RNF180: variants seen among roughly 807,000 people sequenced by gnomAD.
RNF180 encodes the protein E3 ubiquitin-protein ligase RNF180.
Under a neutral mutation model 59.2 loss-of-function variants are expected in RNF180, and 38 were observed. The ratio of observed to expected loss-of-function variants is 0.64; its 90% confidence interval spans 0.50 to 0.84. RNF180 has a LOEUF of 0.84. Among genes scored for constraint, RNF180 ranks in the 40% least tolerant of loss-of-function variants. The pLI, the probability that RNF180 is intolerant of heterozygous loss-of-function variation, is 0.00. For missense variants in RNF180, 705 were observed against 700.9 expected, an observed-to-expected ratio of 1.01 and a Z score of -0.07; for synonymous variants, 262 against 240.3, an observed-to-expected ratio of 1.09 and a Z score of -0.84.
chr5:64,193,103 A>T (rs1023432361), intron 1 of RNF180, among the ~76,000 whole-genome samples: 8 of 151,814 alleles, frequency 5.3e-5, no homozygotes, highest in African/African-American at 1.7e-4. Flanking sequence ...AGATGCAGGG[A>T]ATAGAATTGT....
chr5:64,285,252 C>T (rs553762228), intron 5 of RNF180, among the ~76,000 whole-genome samples: 1 of 152,156 alleles, frequency 6.6e-6, no homozygotes, highest in African/African-American at 2.4e-5. Context: ...GGGTGCTGGC[C>T]ACAGTGCTTC....
intron 7 of RNF180, among the ~76,000 whole-genome samples, chr5:64,345,652 A>G (rs1184018275): frequency 1.3e-5 from 2 of 152,190 alleles, no homozygotes; most frequent in African/African-American, 4.8e-5. Flanking sequence ...AGGCTGGGCC[A>G]CTTCCAATCA....
At chr5:64,285,521 G>C (rs375268484) in intron 5 of RNF180, among the ~76,000 whole-genome samples, 5 of 152,058 alleles carry the variant, frequency 3.3e-5, no homozygotes, top group East Asian at 1.9e-4. Context: ...GTAGACCACA[G>C]GTGGACAGGT....
intron 3 of RNF180, 98 bp from the exon 4 acceptor site, chr5:64,213,460 T>C (rs976443109): frequency 6.7e-6 from 7 of 1,045,992 alleles, no homozygotes; most frequent in Non-Finnish European, 7.0e-6. Flanking sequence ...TTCTGTGGCA[T>C]AGAAAACTTT....
chr5:64,247,623 T>G (rs1743269982), intron 5 of RNF180, among the ~76,000 whole-genome samples: 1 of 152,148 alleles, frequency 6.6e-6, no homozygotes, highest in South Asian at 2.1e-4. Flanking sequence ...CACAAACAAA[T>G]GGAAGAACAT....
At chr5:64,188,159 T>C (rs1391410623) in intron 1 of RNF180, among the ~76,000 whole-genome samples, 5 of 152,206 alleles carry the variant, frequency 3.3e-5, no homozygotes, top group African/African-American at 1.2e-4. Context: ...CTGCTCATGT[T>C]AACAGCCACG....
At chr5:64,232,892 G>A (rs941189458) in intron 5 of RNF180, among the ~76,000 whole-genome samples, 2 of 152,090 alleles carry the variant, frequency 1.3e-5, no homozygotes, top group Non-Finnish European at 2.9e-5. Context: ...TTTTGTCTGG[G>A]GTCACCAAAC....
At chr5:64,195,369 C>T (rs1016119547) in intron 1 of RNF180, among the ~76,000 whole-genome samples, 2 of 152,130 alleles carry the variant, frequency 1.3e-5, no homozygotes, top group Admixed American at 6.5e-5. Context: ...TTAAAATCAT[C>T]GTAGTAAGCA....
In RNF180 at chr5:64,189,118, A is replaced by G. The variant is rs1442558606; in HGVS notation, c.1-11690A>G. Among the ~76,000 whole-genome samples, 46 of 152,004 alleles carry G rather than the reference A, an allele frequency of 3.0e-4. 1 individual carries two copies. The highest frequency in any genetic ancestry group is 3.0e-3 in the Admixed American group (46 of 15,254). On this transcript the variant is annotated intron_variant, in intron 1 of 7. Transcript: ENST00000389100. ...CTTACCAGAAAGAAACCCTGCCAAT[A>G]CCTTGATCTTAGACTTTCAGCCTCC...
intron 2 of RNF180, among the ~76,000 whole-genome samples, chr5:64,207,030 G>A (rs1174687257): frequency 6.6e-6 from 1 of 151,862 alleles, no homozygotes; most frequent in Non-Finnish European, 1.5e-5. Flanking sequence ...AAGAGAAATG[G>A]TATGTCCTTA....
intron 5 of RNF180, among the ~76,000 whole-genome samples, chr5:64,295,538 C>T (rs1742841349): frequency 6.6e-6 from 1 of 152,160 alleles, no homozygotes; most frequent in Non-Finnish European, 1.5e-5. Context: ...AAAGATTGTA[C>T]TTGATACTAA....
At position 64,291,416 on chromosome 5, in the gene RNF180, C is replaced by CTT. The variant is rs1207692101; in HGVS notation, c.1228-33745_1228-33744dup. Among the ~76,000 whole-genome samples the CTT allele has an allele frequency of 3.3e-3, 235 of 71,792 alleles. 18 individuals are homozygous for CTT. Among genetic ancestry groups the CTT allele is most frequent in the African/African-American group, 9.0e-3 (142 of 15,776 alleles). The allele number at this position is 71,792 out of a possible 152,430, so 47.1% of individuals were successfully genotyped here. A position where few individuals can be genotyped will look rare whatever the true frequency, so the allele number is the denominator to read the frequency against. ...TGGATGGCATTCTGAAGTATGTTTT[C>CTT]TTTTTTTTTTTTTTTTTTTTTTTTT... On this transcript the variant is annotated intron_variant, in intron 5 of 7. Coordinates refer to ENST00000389100, the MANE Select transcript of RNF180 (RefSeq NM_001113561.2).
intron 7 of RNF180, 38 bp from the exon 8 acceptor site, chr5:64,369,577 G>T (rs1195848293): frequency 7.6e-7 from 1 of 1,310,540 alleles, no homozygotes; most frequent in African/African-American, 1.5e-5. Context: ...GCACTAGCTT[G>T]AATTTAATGG....
At chr5:64,222,385 C>T (rs1741397895) in intron 5 of RNF180, among the ~76,000 whole-genome samples, 1 of 152,000 alleles carries the variant, frequency 6.6e-6, no homozygotes, top group Admixed American at 6.6e-5. Context: ...GTGCTGCACC[C>T]ATTAACTCAT....
intron 7 of RNF180, among the ~76,000 whole-genome samples, chr5:64,367,292 A>C (rs1230694019): frequency 6.6e-6 from 1 of 151,660 alleles, no homozygotes; most frequent in Non-Finnish European, 1.5e-5. Flanking sequence ...TAGAACAAAC[A>C]TACAAGAGAA....
intron 5 of RNF180, among the ~76,000 whole-genome samples, chr5:64,316,160 T>G (rs570890575): frequency 6.6e-6 from 1 of 152,332 alleles, no homozygotes; most frequent in East Asian, 1.9e-4. Context: ...ACTTATAGCC[T>G]CAGCCTCCAG....
intron 5 of RNF180, among the ~76,000 whole-genome samples, chr5:64,245,951 A>G (rs554203214): frequency 1.1e-4 from 16 of 151,964 alleles, no homozygotes; most frequent in African/African-American, 3.6e-4. Context: ...TTAGAACTCA[A>G]GAAACTCACT....
chr5:64,276,917 CCTT>C (rs1741750496), intron 5 of RNF180, among the ~76,000 whole-genome samples: 1 of 152,042 alleles, frequency 6.6e-6, no homozygotes, highest in Non-Finnish European at 1.5e-5. Context: ...TAATAACCCT[CCTT>C]CTGCCATTTA....
At chr5:64,189,568 A>C (rs1015120303) in intron 1 of RNF180, among the ~76,000 whole-genome samples, 1 of 152,216 alleles carries the variant, frequency 6.6e-6, no homozygotes, top group Admixed American at 6.5e-5. Flanking sequence ...AATATTTAGC[A>C]GAGGAGATTT....
Sources: gnomAD v4.1 joint callset for allele counts (sites outside exome capture counted in the v4.1 genomes callset) on GRCh38, gnomAD v4.1.1 for gene constraint, MANE v1.5 for transcripts, NCBI Gene and HGNC (gene_info 2026-07-23, HGNC 2026-07-21) for gene names.